WDR25: variants seen among roughly 807,000 people sequenced by gnomAD.
WDR25 encodes the protein WD repeat-containing protein 25.
Under a neutral mutation model 47.7 loss-of-function variants are expected in WDR25, and 35 were observed. The observed-to-expected ratio is 0.73, with a 90% CI of 0.56 to 0.97. The LOEUF (loss-of-function observed/expected upper bound fraction) is 0.97. Ranked by LOEUF, WDR25 falls within the 50% of genes least tolerant of loss-of-function variation. The probability of loss-of-function intolerance (pLI) is 0.00; values close to 1 mark genes in which losing one functional copy is unlikely to be tolerated. For missense variants in WDR25, 634 were observed against 704.7 expected (o/e 0.90, Z 1.14); for synonymous variants, 248 against 278.9 (o/e 0.89, Z 1.10).
chr14:100,492,578 G>A (rs980220940), intron 4 of WDR25, among the ~76,000 whole-genome samples: 1 of 152,148 alleles, frequency 6.6e-6, no homozygotes, highest in Non-Finnish European at 1.5e-5. Flanking sequence ...TAAATATGAT[G>A]TTTCTGTAAT....
At chr14:100,501,529 C>T (rs1490470709) in intron 4 of WDR25, among the ~76,000 whole-genome samples, 7 of 152,202 alleles carry the variant, frequency 4.6e-5, no homozygotes, top group Non-Finnish European at 1.0e-4. Flanking sequence ...TCATCTCAGG[C>T]TGATCAGAAG....
chr14:100,425,619 T>C lies in WDR25; in HGVS notation c.823-42402T>C, dbSNP rs1898146415. Reference sequence around the variant, plus strand: ...AGGCAGCACCGTCGGACGCTGATGGTGGGGGCTGGGCCCTGTGCTGACACA... The same window carrying C: ...AGGCAGCACCGTCGGACGCTGATGGCGGGGGCTGGGCCCTGTGCTGACACA... On this transcript the variant is annotated intron_variant, in intron 2 of 6. Transcript: ENST00000402312. This position sits in a 1 kb window ranked among gnomAD's most constrained non-coding sequence, Gnocchi z 4.8. 6.6e-6 allele frequency among the ~76,000 whole-genome samples: 1 copy of C among 152,142 alleles called. No individual in the cohort carries two copies. The highest frequency in any genetic ancestry group is 1.5e-5 in the Non-Finnish European group (1 of 68,038).
chr14:100,448,804 C>G (rs556870251), intron 2 of WDR25, among the ~76,000 whole-genome samples: 21 of 152,192 alleles, frequency 1.4e-4, no homozygotes, highest in Middle Eastern at 3.4e-3. Context: ...GCATGGAGAC[C>G]TATGGGAACA....
intron 3 of WDR25, among the ~76,000 whole-genome samples, chr14:100,478,664 T>C (rs191309239): frequency 6.6e-6 from 1 of 152,218 alleles, no homozygotes; most frequent in Admixed American, 6.5e-5. Flanking sequence ...TAAATGGAAA[T>C]ACTTAAAAGA....
At position 100,523,115 on chromosome 14, in the gene WDR25, T is replaced by A. The variant is rs949636227; in HGVS notation, c.1102-2755T>A. ...GATGTTGCTGGGAGCCGGAGGACCC[T>A]GGATTGCTACTTTTAAAGTAGTCGA... On this transcript the variant is annotated intron_variant, in intron 4 of 6. Coordinates refer to ENST00000402312, the MANE Select transcript of WDR25 (RefSeq NM_001161476.3). The surrounding 1 kb of genome is among the most constrained non-coding windows in gnomAD (Gnocchi z 4.7). Among the ~76,000 whole-genome samples, 1 of 152,244 alleles carries A rather than the reference T, an allele frequency of 6.6e-6. No individual in the cohort carries two copies. Among genetic ancestry groups the A allele is most frequent in the Non-Finnish European group, 1.5e-5 (1 of 68,044 alleles).
rs1426132864 is a variant in WDR25 at position 100,459,929 on chromosome 14, TATATATATATACAC to T, written c.823-8088_823-8075del. Among the ~76,000 whole-genome samples, 184 of 78,036 alleles carry T rather than the reference TATATATATATACAC, an allele frequency of 2.4e-3. 1 individual carries two copies. The highest frequency in any genetic ancestry group is 9.9e-3 in the African/African-American group (171 of 17,274). 51.2% of individuals were successfully genotyped at this position (78,036 alleles called of 152,430 possible). A position where few individuals can be genotyped will look rare whatever the true frequency, so the allele number is the denominator to read the frequency against. On this transcript the variant is annotated intron_variant, in intron 2 of 6. Coordinates refer to ENST00000402312, the MANE Select transcript of WDR25 (RefSeq NM_001161476.3). ...ATATATATATATATATATATATATATATATATATATACACATACACATACACACACATATACACA... is the reference window on the plus strand; with the variant it reads ...ATATATATATATATATATATATATATATACACATACACACACATATACACA...
intron 3 of WDR25, among the ~76,000 whole-genome samples, chr14:100,469,835 G>A (rs1207808219): frequency 2.0e-5 from 3 of 152,224 alleles, no homozygotes; most frequent in African/African-American, 7.2e-5. Context: ...ACCAGCAAGT[G>A]ACAGAGCCAG....
At chr14:100,391,725 T>A (rs1897150293) in intron 2 of WDR25, among the ~76,000 whole-genome samples, 2 of 152,172 alleles carry the variant, frequency 1.3e-5, no homozygotes, top group African/African-American at 4.8e-5. Context: ...TCCCTCCACA[T>A]ACTGCAGTAG....
At chr14:100,453,408 T>G (rs1899102807) in intron 2 of WDR25, among the ~76,000 whole-genome samples, 1 of 152,242 alleles carries the variant, frequency 6.6e-6, no homozygotes, top group Admixed American at 6.5e-5. Flanking sequence ...CCTAATTTTC[T>G]ACTTCATAGG....
intron 4 of WDR25, among the ~76,000 whole-genome samples, chr14:100,497,270 T>C (rs2140341460): frequency 6.6e-6 from 1 of 152,340 alleles, no homozygotes; most frequent in South Asian, 2.1e-4. Context: ...TCTGTTCTTT[T>C]ACATCCTTGC....
intron 3 of WDR25, among the ~76,000 whole-genome samples, chr14:100,469,092 C>T (rs1320076461): frequency 6.6e-6 from 1 of 152,138 alleles, no homozygotes; most frequent in Non-Finnish European, 1.5e-5. Context: ...GACTTCACAC[C>T]AGTCCCTGGG....
chr14:100,444,607 G>A (rs1455065046), intron 2 of WDR25, among the ~76,000 whole-genome samples: 1 of 152,170 alleles, frequency 6.6e-6, no homozygotes, highest in African/African-American at 2.4e-5. Context: ...TGCCTCTGAT[G>A]CCCCTCCGTG....
In WDR25 at chr14:100,425,515, T is replaced by C. The variant is rs900360320; in HGVS notation, c.823-42506T>C. Reference sequence around the variant, plus strand: ...GTGAAATATGTTTGATGGGGAAAGATACCCGGGACAGAACCCGACTTTTGC... The same window carrying C: ...GTGAAATATGTTTGATGGGGAAAGACACCCGGGACAGAACCCGACTTTTGC... On this transcript the variant is annotated intron_variant, in intron 2 of 6. Transcript: ENST00000402312. This position sits in a 1 kb window ranked among gnomAD's most constrained non-coding sequence, Gnocchi z 4.8. Among the ~76,000 whole-genome samples the C allele has an allele frequency of 6.6e-6, 1 of 152,204 alleles. No homozygotes were observed. Among genetic ancestry groups the C allele is most frequent in the African/African-American group, 2.4e-5 (1 of 41,458 alleles).
At chr14:100,442,358 C>T (rs959743459) in intron 2 of WDR25, among the ~76,000 whole-genome samples, 5 of 152,210 alleles carry the variant, frequency 3.3e-5, no homozygotes, top group African/African-American at 9.6e-5. Context: ...CAGGGGTCTT[C>T]ACCCTGGGGG....
At chr14:100,442,920 A>C (rs562904249) in intron 2 of WDR25, among the ~76,000 whole-genome samples, 1 of 152,358 alleles carries the variant, frequency 6.6e-6, no homozygotes, top group East Asian at 1.9e-4. Flanking sequence ...TTATGGAAAC[A>C]TTCATGCCTA....
At chr14:100,396,154 T>C (rs1364379373) in intron 2 of WDR25, among the ~76,000 whole-genome samples, 3 of 151,780 alleles carry the variant, frequency 2.0e-5, no homozygotes, top group African/African-American at 7.3e-5. Context: ...TTTTTTGTAT[T>C]TGTAGTAGAG....
intron 5 of WDR25, among the ~76,000 whole-genome samples, chr14:100,527,042 C>T (rs1441469251): frequency 2.0e-5 from 2 of 99,302 alleles, no homozygotes; most frequent in African/African-American, 3.0e-5. Flanking sequence ...ACCATCACCA[C>T]TCTATCACCA....
intron 4 of WDR25, among the ~76,000 whole-genome samples, chr14:100,524,542 T>A (rs2030020353): frequency 6.6e-6 from 1 of 151,328 alleles, no homozygotes; most frequent in South Asian, 2.1e-4. Context: ...TTCAGAAGGC[T>A]TTTTTTTTCC....
chr14:100,489,094 A>C (rs1900480184), intron 4 of WDR25, among the ~76,000 whole-genome samples: 1 of 152,218 alleles, frequency 6.6e-6, no homozygotes, highest in Non-Finnish European at 1.5e-5. Context: ...ATGGGATATG[A>C]AGGCTAGCTG....
Sources: gnomAD v4.1 joint callset for allele counts (sites outside exome capture counted in the v4.1 genomes callset) on GRCh38, gnomAD v4.1.1 for gene constraint, Gnocchi (gnomAD v3.1) non-coding constraint, MANE v1.5 for transcripts, NCBI Gene and HGNC (gene_info 2026-07-23, HGNC 2026-07-21) for gene names.